Variants in NRXN1 observed in about 807,000 individuals in gnomAD.
NRXN1 encodes the protein neurexin-1.
NRXN1 carries 39 observed loss-of-function variants against 150.9 expected under a neutral mutation model. That is an observed-to-expected ratio of 0.26 (90% CI 0.20 to 0.34). The LOEUF (loss-of-function observed/expected upper bound fraction) is 0.34, where lower values mean the gene tolerates loss of function less well. Ranked by LOEUF, NRXN1 falls within the 10% of genes least tolerant of loss-of-function variation. NRXN1 has a pLI of 1.00. For missense variants in NRXN1, 1,815 were observed against 1,949.9 expected, an observed-to-expected ratio of 0.93 and a Z score of 1.30; for synonymous variants, 924 against 757.0, an observed-to-expected ratio of 1.22 and a Z score of -3.62.
intron 5 of NRXN1, among the ~76,000 whole-genome samples, chr2:50,840,383 C>T (rs1052818914): frequency 6.6e-6 from 1 of 152,104 alleles, no homozygotes; most frequent in African/African-American, 2.4e-5. Context: ...TCAACAATAA[C>T]AATTTTCTCT....
intron 5 of NRXN1, among the ~76,000 whole-genome samples, chr2:50,830,158 A>T (rs62140622): frequency 0.087 from 13,243 of 151,894 alleles, 654 homozygotes; most frequent in Non-Finnish European, 0.11. Flanking sequence ...GCTCATTTTT[A>T]TTTATGCTCT....
At chr2:50,515,652 C>T (rs906729046) in intron 12 of NRXN1, among the ~76,000 whole-genome samples, 1 of 141,880 alleles carries the variant, frequency 7.0e-6, no homozygotes, top group Non-Finnish European at 1.5e-5. Flanking sequence ...TCTGCATGCA[C>T]CTTTGTTAAA....
intron 8 of NRXN1, among the ~76,000 whole-genome samples, chr2:50,570,941 C>T (rs10490222): frequency 0.16 from 23,861 of 152,044 alleles, 3,061 homozygotes; most frequent in African/African-American, 0.36. Flanking sequence ...AAATTTTCCA[C>T]AGAAAGAAGT....
intron 5 of NRXN1, among the ~76,000 whole-genome samples, chr2:50,845,762 C>T (rs1372898815): frequency 1.3e-5 from 2 of 152,150 alleles, no homozygotes; most frequent in African/African-American, 4.8e-5. Context: ...TTCTGATATG[C>T]TTACCTCCCT....
chr2:50,859,906 T>A (rs1404863727), intron 5 of NRXN1, among the ~76,000 whole-genome samples: 1 of 151,870 alleles, frequency 6.6e-6, no homozygotes, highest in Non-Finnish European at 1.5e-5. Flanking sequence ...CAAACTGATA[T>A]CTGTATACAT....
intron 17 of NRXN1, among the ~76,000 whole-genome samples, chr2:50,452,553 A>G (rs2087074351): frequency 6.6e-6 from 1 of 152,190 alleles, no homozygotes; most frequent in African/African-American, 2.4e-5. Context: ...AAAGAAATAA[A>G]TATGAAGATC....
chr2:50,882,961 C>T (rs1679673022), intron 5 of NRXN1, among the ~76,000 whole-genome samples: 1 of 151,690 alleles, frequency 6.6e-6, no homozygotes, highest in African/African-American at 2.4e-5. Flanking sequence ...ATATGCTTAC[C>T]TGACATACAT....
intron 17 of NRXN1, among the ~76,000 whole-genome samples, chr2:50,272,144 T>C (rs1213642239): frequency 1.3e-5 from 2 of 152,156 alleles, no homozygotes; most frequent in East Asian, 3.9e-4. Context: ...GCTGGCTGTT[T>C]TGCATGAAAT....
intron 17 of NRXN1, among the ~76,000 whole-genome samples, chr2:50,277,958 A>G (rs183920706): frequency 2.0e-5 from 3 of 151,834 alleles, no homozygotes; most frequent in Non-Finnish European, 4.4e-5. Context: ...AGCACTGTTA[A>G]GGTCCTGGTT....
At chr2:50,179,280 A>T (rs946892168) in intron 18 of NRXN1, among the ~76,000 whole-genome samples, 1 of 152,144 alleles carries the variant, frequency 6.6e-6, no homozygotes, top group Non-Finnish European at 1.5e-5. Flanking sequence ...TCACATCAGC[A>T]TATTAGCCAC....
chr2:50,856,272 G>A (rs1211641574), intron 5 of NRXN1, among the ~76,000 whole-genome samples: 1 of 151,904 alleles, frequency 6.6e-6, no homozygotes, highest in African/African-American at 2.4e-5. Context: ...ACCTTCAGGG[G>A]ATTATCACCT....
chr2:50,592,310 T>G (rs1454265195), intron 8 of NRXN1, among the ~76,000 whole-genome samples: 4 of 152,208 alleles, frequency 2.6e-5, no homozygotes, highest in Non-Finnish European at 5.9e-5. Flanking sequence ...CCAGGGCAAA[T>G]GACACCAGAG....
At chr2:50,163,827 T>C (rs566523546) in intron 18 of NRXN1, among the ~76,000 whole-genome samples, 2 of 152,312 alleles carry the variant, frequency 1.3e-5, no homozygotes, top group South Asian at 2.1e-4. Context: ...TGATGCCATA[T>C]GGATTTTCAG....
chr2:50,795,168 C>T (rs1222537392), intron 5 of NRXN1, among the ~76,000 whole-genome samples: 1 of 152,016 alleles, frequency 6.6e-6, no homozygotes, highest in African/African-American at 2.4e-5. Context: ...TTACACTGAG[C>T]ATCAGGAGTT....
Position 50,456,388 on chromosome 2 carries a change from A to G in NRXN1, c.3364+9054T>C, listed in dbSNP as rs373589368. Among the ~76,000 whole-genome samples the G allele has an allele frequency of 8.5e-5, 13 of 152,234 alleles. No individual in the cohort carries two copies. In the East Asian group the frequency reaches 1.9e-3, roughly 23 times the overall value. ...ACAATCTATAATACTCAGAGCTAAC[A>G]TATCACCTTTGTGCTTTATGCTGCT... On this transcript the variant is annotated intron_variant, in intron 17 of 22. Transcript: ENST00000401669.
chr2:50,186,942 T>C (rs1401736286), intron 18 of NRXN1, among the ~76,000 whole-genome samples: 1 of 152,070 alleles, frequency 6.6e-6, no homozygotes, highest in African/African-American at 2.4e-5. Flanking sequence ...TATCCAGTTT[T>C]GTAATAAATG....
chr2:50,179,506 C>T (rs1274052243), intron 18 of NRXN1, among the ~76,000 whole-genome samples: 2 of 152,000 alleles, frequency 1.3e-5, no homozygotes, highest in Non-Finnish European at 2.9e-5. Flanking sequence ...ACCATTTTTC[C>T]CCATCCCTTC....
intron 17 of NRXN1, chr2:50,417,176 G>A (rs1178737098): frequency 6.6e-6 from 1 of 152,018 alleles, no homozygotes; most frequent in African/African-American, 2.4e-5. Flanking sequence ...ACAAGCAGAT[G>A]TCCAGTTGTA....
intron 17 of NRXN1, among the ~76,000 whole-genome samples, chr2:50,250,488 C>T (rs1238376560): frequency 6.6e-6 from 1 of 151,578 alleles, no homozygotes; most frequent in Non-Finnish European, 1.5e-5. Flanking sequence ...TATGTCTTAT[C>T]TCTTTGTCTC....
Sources: allele counts gnomAD v4.1 joint callset (sites outside exome capture counted in the v4.1 genomes callset), GRCh38; gene constraint gnomAD v4.1.1; transcripts MANE v1.5; gene names NCBI Gene and HGNC (gene_info 2026-07-23, HGNC 2026-07-21).